The following TEKT3 variants were observed in gnomAD, a reference collection of about 807,000 sequenced individuals.
TEKT3 encodes tektin 3.
In TEKT3, 49 loss-of-function variants were observed where a neutral mutation model predicts 49.8. The observed-to-expected ratio is 0.98, with a 90% confidence interval of 0.78 to 1.25. The LOEUF (loss-of-function observed/expected upper bound fraction) is 1.25, where lower values mean the gene tolerates loss of function less well. TEKT3 is among the 50% of genes most tolerant of loss of function. The probability of loss-of-function intolerance (pLI) is 0.00; values close to 1 mark genes in which losing one functional copy is unlikely to be tolerated. For missense variants in TEKT3, 595 were observed against 629.5 expected, an observed-to-expected ratio of 0.95 and a Z score of 0.59; for synonymous variants, 225 against 237.2, an observed-to-expected ratio of 0.95 and a Z score of 0.47.
upstream of TEKT3, among the ~76,000 whole-genome samples, chr17:15,342,622 T>A (rs1053430472): frequency 6.6e-6 from 1 of 152,110 alleles, no homozygotes; most frequent in African/African-American, 2.4e-5. Context: ...TGTCCCGAGT[T>A]TATTAGAGGC....
intron 7 of TEKT3, among the ~76,000 whole-genome samples, chr17:15,309,031 C>CG (rs1191156224): frequency 2.0e-5 from 3 of 152,084 alleles, no homozygotes; most frequent in African/African-American, 4.8e-5. Context: ...GGAGAGTGGG[C>CG]GGCGCCTCTC....
chr17:15,338,306 C>T (rs1380940772), intron 2 of TEKT3: 1 of 152,068 alleles, frequency 6.6e-6, no homozygotes, highest in Non-Finnish European at 1.5e-5. Context: ...CCTGAGTAGC[C>T]TTGTAGTATT....
At chr17:15,312,150 G>A in intron 7 of TEKT3, 109 bp downstream of exon 7, 1 of 1,027,562 alleles carries the variant, frequency 9.7e-7, no homozygotes, top group Non-Finnish European at 1.5e-6. Flanking sequence ...TGTGTGGCCA[G>A]GCTGTCACAT....
Position 15,312,322 on chromosome 17 carries a change from A to C in TEKT3, c.1038T>G (p.Ser346=). Residue 346 remains serine, a synonymous_variant, in exon 7 of 9, where the codon TCT becomes TCG. Coordinates refer to ENST00000395930, the MANE Select transcript of TEKT3 (RefSeq NM_031898.3). ...MWNQFNKVNL[S]FTNRIAETAD... is the part of the protein sequence containing the mutation. ...CAGTCTCAGCAATGCGATTGGTGAAAGACAAGTTCACTTTGTTGAATTGAT... is the reference window on the plus strand; with the variant it reads ...CAGTCTCAGCAATGCGATTGGTGAACGACAAGTTCACTTTGTTGAATTGAT... 6.2e-7 allele frequency: 1 copy of C among 1,614,224 alleles called. No homozygotes were observed. The highest frequency in any genetic ancestry group is 8.5e-7 in the Non-Finnish European group (1 of 1,180,042).
chr17:15,304,007 T>C lies in TEKT3; in HGVS notation c.1402A>G (p.Ile468Val). ...DLAVKANSLY[I>V]DQEKCMSMRK... ...ATGCTCATGCATTTTTCCTGGTCGA[T>C]GTACAGGGAATTGGCTTTGACAGCC... The change falls in exon 9 of 9, where the codon ATC (isoleucine) becomes GTC (valine). Residue 468 changes from isoleucine to valine, a missense_variant. Physicochemically the swap from Ile to Val is conservative, Grantham distance 29. Coordinates refer to ENST00000395930, the MANE Select transcript of TEKT3 (RefSeq NM_031898.3). This position sits in a 1 kb window ranked among gnomAD's most constrained non-coding sequence, Gnocchi z 4.7. 1 of 1,614,122 alleles carries C rather than the reference T, an allele frequency of 6.2e-7. No homozygotes were observed. The highest frequency in any genetic ancestry group is 1.1e-5 in the South Asian group (1 of 91,082).
At chr17:15,339,698 C>A (rs1597424177) in intron 2 of TEKT3, among the ~76,000 whole-genome samples, 1 of 152,326 alleles carries the variant, frequency 6.6e-6, no homozygotes, top group South Asian at 2.1e-4. Flanking sequence ...TTGCCCCACA[C>A]CCTGCCTTAG....
intron 2 of TEKT3, among the ~76,000 whole-genome samples, chr17:15,333,791 G>A (rs953374939): frequency 1.3e-4 from 18 of 135,448 alleles, no homozygotes; most frequent in African/African-American, 4.1e-4. Flanking sequence ...ACAGAGTCTC[G>A]CTCTGTCGCC....
At chr17:15,319,274 A>G (rs1911151976) in intron 4 of TEKT3, 127 bp from the exon 5 acceptor site, 1 of 742,414 alleles carries the variant, frequency 1.3e-6, no homozygotes, top group African/African-American at 1.8e-5. Context: ...TAAACAAGAA[A>G]ACAATTTTGC....
intron 4 of TEKT3, among the ~76,000 whole-genome samples, chr17:15,322,267 C>T (rs550772197): frequency 7.2e-5 from 11 of 152,296 alleles, no homozygotes; most frequent in Admixed American, 2.0e-4. Context: ...CAAGCTTCGG[C>T]GTCAGACAGC....
intron 2 of TEKT3, chr17:15,338,599 G>C (rs1050696391): frequency 1.3e-5 from 2 of 150,528 alleles, no homozygotes; most frequent in African/African-American, 4.9e-5. Flanking sequence ...CCGCCTCCTG[G>C]GTTCACGCCA....
intron 2 of TEKT3, among the ~76,000 whole-genome samples, chr17:15,338,707 C>CG (rs59866202): frequency 0.68 from 88,958 of 130,552 alleles, 31,097 homozygotes; most frequent in African/African-American, 0.82. Context: ...TTAGTAGAGA[C>CG]GGGTTTCACC....
chr17:15,305,285 GCAA>G (rs1203846544), intron 8 of TEKT3, among the ~76,000 whole-genome samples: 2 of 152,208 alleles, frequency 1.3e-5, no homozygotes, highest in South Asian at 2.1e-4. Flanking sequence ...GCTGATTGAA[GCAA>G]CAACAGGCCA....
chr17:15,313,834 A>G (rs1045187974), intron 6 of TEKT3, among the ~76,000 whole-genome samples: 1 of 152,206 alleles, frequency 6.6e-6, no homozygotes, highest in Non-Finnish European at 1.5e-5. Flanking sequence ...GGACTTCTGC[A>G]TCAGGTAGGG....
In TEKT3 at chr17:15,314,120, C is replaced by G. The variant is rs230898; in HGVS notation, c.845G>C (p.Gly282Ala). 0.48 allele frequency: 772,462 copies of G among 1,613,942 alleles called. 187,679 individuals carry two copies. The highest frequency in any genetic ancestry group is 0.52 in the South Asian group (47,280 of 91,078). ...GACCCTCTCCACTCCGCGGAAGTAG[C>G]CGACACCGTCTGATGTGTTGCGCAG... ...HHLRNTSDGV[G>A]YFRGVERVDA... is the part of the protein sequence containing the mutation. The change falls in exon 6 of 9, where the codon GGC (glycine) becomes GCC (alanine). Residue 282 changes from glycine (G) to alanine (A), a missense_variant. Physicochemically the swap from Gly to Ala is moderately conservative, Grantham distance 60 (BLOSUM62 0). Coordinates refer to ENST00000395930, the MANE Select transcript of TEKT3 (RefSeq NM_031898.3).
chr17:15,327,596 A>G (rs927344148), intron 4 of TEKT3, among the ~76,000 whole-genome samples: 15 of 152,150 alleles, frequency 9.9e-5, no homozygotes, highest in African/African-American at 3.4e-4. Context: ...ATTCAAATTT[A>G]TAAATACAAT....
At chr17:15,338,920 T>C (rs944530034) in intron 2 of TEKT3, among the ~76,000 whole-genome samples, 1 of 152,104 alleles carries the variant, frequency 6.6e-6, no homozygotes, top group Non-Finnish European at 1.5e-5. Flanking sequence ...GAAAAATGAC[T>C]GAAAATAGCT....
At chr17:15,317,853 A>C (rs1413600669) in intron 5 of TEKT3, among the ~76,000 whole-genome samples, 1 of 152,040 alleles carries the variant, frequency 6.6e-6, no homozygotes, top group Non-Finnish European at 1.5e-5. Context: ...ACTATCACCA[A>C]GAAAAGAGAG....
intron 2 of TEKT3, among the ~76,000 whole-genome samples, chr17:15,332,112 G>C (rs1911782357): frequency 6.6e-6 from 1 of 151,940 alleles, no homozygotes; most frequent in African/African-American, 2.4e-5. Flanking sequence ...CTGGTGGCGG[G>C]GGTGGGGGGC....
intron 5 of TEKT3, among the ~76,000 whole-genome samples, chr17:15,317,720 A>G (rs230892): frequency 0.098 from 14,935 of 152,186 alleles, 860 homozygotes; most frequent in East Asian, 0.22. Flanking sequence ...AATGTTGGCC[A>G]ACAGTCTCGG....
Sources: allele counts gnomAD v4.1 joint callset (sites outside exome capture counted in the v4.1 genomes callset), GRCh38; gene constraint gnomAD v4.1.1; non-coding constraint Gnocchi (gnomAD v3.1); transcripts MANE v1.5; gene names NCBI Gene and HGNC (gene_info 2026-07-23, HGNC 2026-07-21).